The following ADCY7 variants were observed in gnomAD, a reference collection of about 807,000 sequenced individuals.
The protein encoded by ADCY7 is adenylate cyclase type 7.
Under a neutral mutation model 120.6 loss-of-function variants are expected in ADCY7, and 72 were observed. The ratio of observed to expected loss-of-function variants is 0.60; its 90% confidence interval spans 0.49 to 0.73. ADCY7 has a LOEUF of 0.73. ADCY7 is among the 30% of genes least tolerant of loss of function. The pLI, the probability that ADCY7 is intolerant of heterozygous loss-of-function variation, is 0.00. For synonymous variants in ADCY7, 661 were observed against 628.0 expected (o/e 1.05, Z -0.78); for missense variants, 1,227 against 1,486.0 (o/e 0.83, Z 2.87).
intron 1 of ADCY7, among the ~76,000 whole-genome samples, chr16:50,259,162 C>T (rs1229959929): frequency 3.3e-5 from 5 of 152,142 alleles, no homozygotes; most frequent in Admixed American, 3.3e-4. Flanking sequence ...AGTGATAACT[C>T]CTAAGATTTG....
chr16:50,314,274 C>CCA lies in ADCY7; in HGVS notation c.2857-15_2857-14dup. ...GGCTCTGGAGATGCAAGGATCTGAC[C>CCA]CACAGCCTGTCCCGCAGGAGCTGGA... On this transcript the variant is annotated splice_polypyrimidine_tract_variant and intron_variant, in intron 23 of 25. Coordinates refer to ENST00000673801, the MANE Select transcript of ADCY7 (RefSeq NM_001114.5). 1 of 1,611,852 alleles carries CCA rather than the reference C, an allele frequency of 6.2e-7. No homozygotes were observed. The highest frequency in any genetic ancestry group is 8.5e-7 in the Non-Finnish European group (1 of 1,178,118).
chr16:50,289,923 T>A (rs771933986), intron 2 of ADCY7, among the ~76,000 whole-genome samples: 13 of 152,212 alleles, frequency 8.5e-5, no homozygotes, highest in Non-Finnish European at 1.9e-4. Flanking sequence ...TGCTACTGTG[T>A]GCCAGCCCCC....
chr16:50,310,864 C>T lies in ADCY7; in HGVS notation c.2338C>T (p.Pro780Ser). The T allele has an allele frequency of 6.2e-7, 1 of 1,606,886 alleles. No individual in the cohort carries two copies. ...CCAAGGCCTGGGCAACCTCACCAAG[C>T]CCAACGGCACCACCAGGTGGGGTCC... ...CGQGLGNLTK[P>S]NGTTSGTPSC... Residue 780 changes from proline (P) to serine (S), a missense_variant, in exon 19 of 26, where the codon CCC becomes TCC. By Grantham distance (74) the Pro-to-Ser change is moderately conservative (BLOSUM62 -1). This residue lies in a region of ADCY7 where 267 missense variants were observed against 270.0 expected (regional missense o/e 0.99). Coordinates refer to ENST00000673801, the MANE Select transcript of ADCY7 (RefSeq NM_001114.5).
chr16:50,307,780 G>A (rs1237720597), intron 15 of ADCY7, among the ~76,000 whole-genome samples: 2 of 152,116 alleles, frequency 1.3e-5, no homozygotes, highest in East Asian at 3.9e-4. Context: ...CGAATCACTC[G>A]AGGTCAGGGG....
intron 1 of ADCY7, among the ~76,000 whole-genome samples, chr16:50,256,144 G>A (rs117027807): frequency 0.015 from 2,275 of 152,188 alleles, 32 homozygotes; most frequent in Non-Finnish European, 0.022. Context: ...AGAGACAACC[G>A]ATAGACTGGG....
At chr16:50,291,962 G>C in intron 4 of ADCY7, 65 bp downstream of exon 4, 4 of 1,517,506 alleles carry the variant, frequency 2.6e-6, no homozygotes, top group Admixed American at 2.1e-5. Flanking sequence ...AGATGGGGGG[G>C]CCCCCTCTGG....
At position 50,298,967 on chromosome 16, in the gene ADCY7, G is replaced by A. The variant is rs769249721; in HGVS notation, c.1012G>A (p.Val338Met). ...DCYYCVSGLP[V>M]SLPTHARNCV... ...CTACTACTGTGTATCGGGCCTGCCCGTGTCGCTGCCTACCCACGCCCGGAA... is the reference window on the plus strand; with the variant it reads ...CTACTACTGTGTATCGGGCCTGCCCATGTCGCTGCCTACCCACGCCCGGAA... The change falls in exon 8 of 26, where the codon GTG becomes ATG. Residue 338 changes from valine to methionine, a missense_variant. Physicochemically the swap from Val to Met is conservative, Grantham distance 21. Transcript: ENST00000673801. 7 of 1,613,720 alleles carry A rather than the reference G, an allele frequency of 4.3e-6. No homozygotes were observed. Among genetic ancestry groups the A allele is most frequent in the Middle Eastern group, 1.6e-4 (1 of 6,062 alleles).
rs2035650453 is a variant in ADCY7 at position 50,300,611 on chromosome 16, C to T, written c.1077-104C>T. ...ACATTCTCTCCCGTGGGCTGAGCGC[C>T]TGCCCTGTTCCCACATGCTGCCCTG... On this transcript the variant is annotated intron_variant, in intron 8 of 25. Transcript: ENST00000673801. 3 of 1,383,218 alleles carry T rather than the reference C, an allele frequency of 2.2e-6. No homozygotes were observed. The South Asian group carries it at 4.1e-5, about 19-fold the overall frequency. 85.7% of individuals were successfully genotyped at this position (1,383,218 alleles called of 1,614,324 possible).
chr16:50,253,714 G>T (rs2032827366), intron 1 of ADCY7, among the ~76,000 whole-genome samples: 1 of 152,070 alleles, frequency 6.6e-6, no homozygotes, highest in South Asian at 2.1e-4. Flanking sequence ...CGGGGGGAGG[G>T]CTTTGCCAGG....
intron 25 of ADCY7, 41 bp from the exon 26 acceptor site, chr16:50,315,318 C>T: frequency 6.3e-7 from 1 of 1,591,342 alleles, no homozygotes; most frequent in Non-Finnish European, 8.6e-7. Flanking sequence ...GACAGGTGTT[C>T]TTCCCGCCTC....
intron 1 of ADCY7, among the ~76,000 whole-genome samples, chr16:50,258,769 T>C (rs1377796684): frequency 6.6e-6 from 1 of 152,056 alleles, no homozygotes; most frequent in Non-Finnish European, 1.5e-5. Context: ...ATTTTTTTTG[T>C]AGAGATGAGG....
At chr16:50,272,944 A>G (rs1319559422) in intron 1 of ADCY7, among the ~76,000 whole-genome samples, 1 of 152,120 alleles carries the variant, frequency 6.6e-6, no homozygotes, top group African/African-American at 2.4e-5. Context: ...ACACTGCTCC[A>G]TCCCCTGGGG....
chr16:50,316,043 G>A lies in ADCY7; in HGVS notation c.*538G>A, dbSNP rs954964677. On this transcript the variant is annotated 3_prime_UTR_variant, in exon 26 of 26. Transcript: ENST00000673801. ...TTACATCTGTAAACGGTTTCAAACA[G>A]GTAGAGAGAAAAACACCACAATTAA... 6.5e-6 allele frequency: 1 copy of A among 153,394 alleles called. No homozygotes were observed. Among genetic ancestry groups the A allele is most frequent in the African/African-American group, 2.4e-5 (1 of 41,472 alleles). The allele number at this position is 153,394 out of a possible 1,614,324, so 9.5% of individuals were successfully genotyped here.
At position 50,282,626 on chromosome 16, in the gene ADCY7, G is replaced by C. The variant is rs192587541; in HGVS notation, c.-268-5286G>C. Among the ~76,000 whole-genome samples, 400 of 152,252 alleles carry C rather than the reference G, an allele frequency of 2.6e-3. 1 individual carries two copies. Among genetic ancestry groups the C allele is most frequent in the African/African-American group, 9.2e-3 (383 of 41,540 alleles). On this transcript the variant is annotated intron_variant, in intron 1 of 25. Coordinates refer to ENST00000673801, the MANE Select transcript of ADCY7 (RefSeq NM_001114.5). ...CCTGGGCCTTGTTTGTAGGGAAGAG[G>C]TTGGTGTTTTGGGATATTATGGGAT...
chr16:50,307,259 G>A, intron 15 of ADCY7, 112 bp downstream of exon 15: 1 of 995,102 alleles, frequency 1.0e-6, no homozygotes, highest in Non-Finnish European at 1.5e-6. Flanking sequence ...CGGCTGCTGG[G>A]GTCCTAGCAA....
At chr16:50,254,803 G>GC (rs886742539) in intron 1 of ADCY7, among the ~76,000 whole-genome samples, 95 of 105,368 alleles carry the variant, frequency 9.0e-4, no homozygotes, top group African/African-American at 2.6e-3. Context: ...GTGTCTCCCT[G>GC]CCCCCCCACC....
rs577331060 is a variant in ADCY7 at position 50,292,951 on chromosome 16, C to T, written c.687+126C>T. On this transcript the variant is annotated intron_variant, in intron 5 of 25. Transcript: ENST00000673801. ...CCAGACACCCATGCAGGTCTCACCT[C>T]GGTGAGTCCTGGGCTCCAGCAGGGT... The T allele has an allele frequency of 1.1e-3, 1,297 of 1,234,022 alleles. 8 individuals are homozygous for T. The highest frequency in any genetic ancestry group is 8.1e-3 in the South Asian group (584 of 72,034). 76.4% of individuals were successfully genotyped at this position (1,234,022 alleles called of 1,614,324 possible). A position where few individuals can be genotyped will look rare whatever the true frequency, so the allele number is the denominator to read the frequency against.
chr16:50,279,835 A>G (rs897856107), intron 1 of ADCY7: 1 of 152,218 alleles, frequency 6.6e-6, no homozygotes, highest in African/African-American at 2.4e-5. Context: ...GAGATTGATC[A>G]GGGTAATGCT....
intron 23 of ADCY7, 44 bp from the exon 24 acceptor site, chr16:50,314,248 G>A (rs374060316): frequency 6.8e-5 from 107 of 1,584,856 alleles, no homozygotes; most frequent in Non-Finnish European, 2.1e-5. Context: ...CTAGGTCTGG[G>A]GGCTCTGGAG....
Sources: allele counts gnomAD v4.1 joint callset (sites outside exome capture counted in the v4.1 genomes callset), GRCh38; gene constraint gnomAD v4.1.1; regional missense constraint gnomAD v4.1.1; transcripts MANE v1.5; gene names NCBI Gene and HGNC (gene_info 2026-07-23, HGNC 2026-07-21).